The following SLC5A11 variants were observed in gnomAD, a reference collection of about 807,000 sequenced individuals.
SLC5A11 encodes the protein solute carrier family 5 member 11.
In SLC5A11, 48 loss-of-function variants were observed where a neutral mutation model predicts 69.8. That is an observed-to-expected ratio of 0.69 (90% CI 0.55 to 0.87). The LOEUF (loss-of-function observed/expected upper bound fraction) is 0.87, where lower values mean the gene tolerates loss of function less well. Among genes scored for constraint, SLC5A11 ranks in the 40% least tolerant of loss-of-function variants. SLC5A11 has a pLI of 0.00. For synonymous variants in SLC5A11, 319 were observed against 342.4 expected (o/e 0.93, Z 0.75); for missense variants, 784 against 866.1 (o/e 0.91, Z 1.19).
chr16:24,853,775 C>T (rs938471524), intron 1 of SLC5A11, among the ~76,000 whole-genome samples: 4 of 152,194 alleles, frequency 2.6e-5, no homozygotes, highest in Non-Finnish European at 5.9e-5. Flanking sequence ...ATCACGTTTG[C>T]CTCAAAGGGC....
chr16:24,911,408 C>T, exon 16 of SLC5A11: 1 of 1,614,064 alleles, frequency 6.2e-7, no homozygotes, highest in East Asian at 2.2e-5. Flanking sequence ...CAAGGAAGAG[C>T]TCCCGGCCAG....
chr16:24,892,049 TAAAA>T (rs35705061), intron 9 of SLC5A11, among the ~76,000 whole-genome samples: 3 of 97,022 alleles, frequency 3.1e-5, no homozygotes, highest in African/African-American at 1.1e-4. Context: ...AGACCATCTC[TAAAA>T]AAAAAAAAAA....
intron 9 of SLC5A11, 144 bp downstream of exon 10, chr16:24,891,218 T>C (rs2048781984): frequency 2.8e-6 from 2 of 715,824 alleles, no homozygotes; most frequent in Non-Finnish European, 4.7e-6. Context: ...TTTCCATTGC[T>C]CTACATGCTA....
chr16:24,894,565 G>A (rs1424127370), intron 9 of SLC5A11, among the ~76,000 whole-genome samples: 2 of 152,018 alleles, frequency 1.3e-5, no homozygotes, highest in Non-Finnish European at 2.9e-5. Flanking sequence ...ACTTTGGGAG[G>A]CTGAGGCGGG....
At chr16:24,888,971 A>G (rs780846551) in intron 8 of SLC5A11, among the ~76,000 whole-genome samples, 1 of 148,700 alleles carries the variant, frequency 6.7e-6, no homozygotes, top group Non-Finnish European at 1.5e-5. Flanking sequence ...TAATTTTTCT[A>G]TTTTTAGTAG....
At chr16:24,875,571 G>C (rs981727030) in intron 5 of SLC5A11, 56 bp from the exon 7 acceptor site, 1 of 1,406,730 alleles carries the variant, frequency 7.1e-7, no homozygotes, top group Non-Finnish European at 9.9e-7. Context: ...TGTGTGGGGG[G>C]GTCACGTGCT....
At chr16:24,910,469 C>T (rs906484848) in exon 15 of SLC5A11, 1 of 1,613,982 alleles carries the variant, frequency 6.2e-7, no homozygotes, top group Non-Finnish European at 8.5e-7. Flanking sequence ...ACGTCTAAAA[C>T]CCACAGCTGT....
At chr16:24,901,036 T>C (rs2049552857) in intron 10 of SLC5A11, among the ~76,000 whole-genome samples, 2 of 152,028 alleles carry the variant, frequency 1.3e-5, no homozygotes, top group Admixed American at 1.3e-4. Context: ...GATATGAATA[T>C]GGATTCTGAT....
chr16:24,891,206 C>A, intron 9 of SLC5A11, 132 bp downstream of exon 10: 1 of 776,996 alleles, frequency 1.3e-6, no homozygotes, highest in Non-Finnish European at 2.1e-6. Context: ...ACTACTTCCT[C>A]CTTTCCATTG....
At chr16:24,901,962 A>ACGCG (rs1445975305) in intron 10 of SLC5A11, among the ~76,000 whole-genome samples, 32 of 125,718 alleles carry the variant, frequency 2.5e-4, no homozygotes, top group Middle Eastern at 3.9e-3. Flanking sequence ...ACACACGCAC[A>ACGCG]CACACACACA....
intron 8 of SLC5A11, among the ~76,000 whole-genome samples, chr16:24,889,267 G>T (rs2048608536): frequency 6.6e-6 from 1 of 152,166 alleles, no homozygotes; most frequent in Non-Finnish European, 1.5e-5. Flanking sequence ...AGAATTGCTT[G>T]AGCCTAGGAG....
intron 10 of SLC5A11, among the ~76,000 whole-genome samples, chr16:24,901,154 A>G (rs1054534276): frequency 6.6e-6 from 1 of 152,118 alleles, no homozygotes; most frequent in Non-Finnish European, 1.5e-5. Context: ...AATGGGGGTA[A>G]TATTTTACAA....
intron 6 of SLC5A11, among the ~76,000 whole-genome samples, chr16:24,876,403 G>A (rs954179991): frequency 4.6e-5 from 7 of 152,070 alleles, no homozygotes; most frequent in Admixed American, 2.6e-4. Flanking sequence ...CTGTTTATCC[G>A]ATGTGCTGTT....
At chr16:24,911,048 A>C (rs1379342256) in intron 15 of SLC5A11, among the ~76,000 whole-genome samples, 1 of 151,602 alleles carries the variant, frequency 6.6e-6, no homozygotes, top group Non-Finnish European at 1.5e-5. Flanking sequence ...GCATGCCTAT[A>C]GTCCCAGCTA....
At chr16:24,902,225 G>A (rs1012965141) in intron 10 of SLC5A11, among the ~76,000 whole-genome samples, 10 of 152,068 alleles carry the variant, frequency 6.6e-5, no homozygotes, top group Non-Finnish European at 1.2e-4. Flanking sequence ...AAGGTTTCCC[G>A]GGAAGTCCTT....
At chr16:24,861,549 TAAAAG>T (rs796745816) in intron 2 of SLC5A11, among the ~76,000 whole-genome samples, 12 of 65,488 alleles carry the variant, frequency 1.8e-4, no homozygotes, top group African/African-American at 6.2e-4. Flanking sequence ...GAAAGAAAAA[TAAAAG>T]AAAAGAAAGA....
chr16:24,858,811 G>A, intron 2 of SLC5A11, 33 bp downstream of exon 3: 1 of 1,599,102 alleles, frequency 6.3e-7, no homozygotes, highest in Non-Finnish European at 8.5e-7. Context: ...GGGGGATGAA[G>A]AGAGAAGGAA....
exon 16 of SLC5A11, chr16:24,911,444 G>A (rs751463144): frequency 6.2e-7 from 1 of 1,614,134 alleles, no homozygotes; most frequent in Non-Finnish European, 8.5e-7. Context: ...AGTTTCCCTG[G>A]AAGAAAACCC....
intron 8 of SLC5A11, 57 bp downstream of exon 9, chr16:24,884,188 T>G: frequency 2.0e-6 from 3 of 1,537,966 alleles, no homozygotes; most frequent in Non-Finnish European, 2.7e-6. Context: ...CCAGCAGGGA[T>G]ATCTGCTCTC....
Sources: gnomAD v4.1 joint callset for allele counts (sites outside exome capture counted in the v4.1 genomes callset) on GRCh38, gnomAD v4.1.1 for gene constraint, MANE v1.5 for transcripts, NCBI Gene and HGNC (gene_info 2026-07-23, HGNC 2026-07-21) for gene names.